TIA1: variants seen among roughly 807,000 people sequenced by gnomAD.
TIA1 encodes TIA1 cytotoxic granule associated RNA binding protein.
TIA1 carries 23 observed loss-of-function variants against 65.9 expected under a neutral mutation model. That is an observed-to-expected ratio of 0.35 (90% CI 0.25 to 0.49). TIA1 has a LOEUF of 0.49. Among genes scored for constraint, TIA1 ranks in the 20% least tolerant of loss-of-function variants. TIA1 has a pLI of 0.98. For synonymous variants in TIA1, 147 were observed against 149.4 expected (o/e 0.98, Z 0.12); for missense variants, 371 against 477.9 (o/e 0.78, Z 2.09).
At chr2:70,217,169 A>T in intron 7 of TIA1, 175 bp from the exon 8 acceptor site, 1 of 479,690 alleles carries the variant, frequency 2.1e-6, no homozygotes, top group Non-Finnish European at 3.4e-6. Flanking sequence ...ATATTTTTAA[A>T]TTTTATTTTA....
In TIA1 at chr2:70,248,576, A is replaced by G; in HGVS notation, c.-146T>C. 1 of 1,177,206 alleles carries G rather than the reference A, an allele frequency of 8.5e-7. No individual in the cohort carries two copies. Among genetic ancestry groups the G allele is most frequent in the Non-Finnish European group, 1.2e-6 (1 of 817,988 alleles). 72.9% of individuals were successfully genotyped at this position (1,177,206 alleles called of 1,614,324 possible). A position where few individuals can be genotyped will look rare whatever the true frequency, so the allele number is the denominator to read the frequency against. On this transcript the variant is annotated 5_prime_UTR_variant, in exon 1 of 13. Transcript: ENST00000433529. ...CGCCTCCTCCTCCGGCGGCAATTAC[A>G]CTAAACCGCCCGGCCCAGCGGGAAC...
At chr2:70,219,512 T>C (rs1472336052) in intron 7 of TIA1, among the ~76,000 whole-genome samples, 1 of 151,914 alleles carries the variant, frequency 6.6e-6, no homozygotes, top group Non-Finnish European at 1.5e-5. Context: ...TTAAATAGGG[T>C]CTTATTCTGT....
rs778817360 is a variant in TIA1, at chr2:70,212,803, T to G, written c.1077A>C (p.Gly359=). 2 of 1,614,082 alleles carry G rather than the reference T, an allele frequency of 1.2e-6. No individual in the cohort carries two copies. Among genetic ancestry groups the G allele is most frequent in the Non-Finnish European group, 1.7e-6 (2 of 1,179,976 alleles). Residue 359 remains glycine (G), a synonymous_variant, in exon 13 of 13, where the codon GGA becomes GGC. Transcript: ENST00000433529. ...SSAPWMGPNY[G]VQPPQGQNGS... is the part of the protein sequence containing the mutation. ...CATTTTGCCCTTGAGGCGGTTGCAC[T>G]CCATAATTTGGTCCCATCCATGGTG...
intron 1 of TIA1, among the ~76,000 whole-genome samples, chr2:70,240,203 G>T (rs1003766485): frequency 1.1e-4 from 17 of 152,138 alleles, no homozygotes; most frequent in African/African-American, 3.4e-4. Context: ...TTATAGATGG[G>T]CAACGACCAA....
At position 70,218,181 on chromosome 2, in the gene TIA1, A is replaced by G. The variant is rs115843128; in HGVS notation, c.475-1187T>C. 4.3e-3 allele frequency among the ~76,000 whole-genome samples: 653 copies of G among 152,358 alleles called. 4 individuals are homozygous for G. The highest frequency in any genetic ancestry group is 7.3e-3 in the Non-Finnish European group (495 of 68,030). ...ATCTACTACAGACAGGATGAATAAG[A>G]AAGGTCTCTCTGAAATGACATTTAA... On this transcript the variant is annotated intron_variant, in intron 7 of 12. Transcript: ENST00000433529.
rs185651096 is a variant in TIA1 at position 70,215,106 on chromosome 2, T to C, written c.888+265A>G. On this transcript the variant is annotated intron_variant, in intron 11 of 12. Coordinates refer to ENST00000433529, the MANE Select transcript of TIA1 (RefSeq NM_022173.4). ...GGTATGTGAATAAATCTACCAAGTA[T>C]TAAAAAAAGATGTAATACCCTTTTA... 1.9e-3 allele frequency: 743 copies of C among 382,340 alleles called. 5 individuals are homozygous for C. Among genetic ancestry groups the C allele is most frequent in the Admixed American group, 4.5e-3 (100 of 22,184 alleles). The allele number at this position is 382,340 out of a possible 1,614,324, so 23.7% of individuals were successfully genotyped here.
At chr2:70,215,958 G>A (rs1678440930) in intron 10 of TIA1, among the ~76,000 whole-genome samples, 1 of 152,146 alleles carries the variant, frequency 6.6e-6, no homozygotes, top group Non-Finnish European at 1.5e-5. Context: ...GTTTCACAAT[G>A]TTGGCCAGGC....
intron 6 of TIA1, chr2:70,224,933 C>T (rs1683162324): frequency 1.8e-6 from 2 of 1,098,816 alleles, no homozygotes; most frequent in South Asian, 6.3e-5. Flanking sequence ...ACATGAACTA[C>T]TTAACCACTT....
At chr2:70,217,917 T>C (rs1006233661) in intron 7 of TIA1, among the ~76,000 whole-genome samples, 2 of 152,216 alleles carry the variant, frequency 1.3e-5, no homozygotes, top group Non-Finnish European at 2.9e-5. Context: ...CAGACTACTA[T>C]AGAAGAAAAT....
At position 70,244,830 on chromosome 2, in the gene TIA1, G is replaced by A. The variant is rs1280195103; in HGVS notation, c.26+3575C>T. 1.2e-4 allele frequency among the ~76,000 whole-genome samples: 9 copies of A among 77,318 alleles called. No individual in the cohort carries two copies. In the Admixed American group the frequency reaches 1.6e-3, roughly 14 times the overall value. The allele number at this position is 77,318 out of a possible 152,430, so 50.7% of individuals were successfully genotyped here. ...AGCCTGGGTGACAGAGCGAGACTCT[G>A]TCTCAAAAAAAAAAAAAAAAAAAAA... On this transcript the variant is annotated intron_variant, in intron 1 of 12. Coordinates refer to ENST00000433529, the MANE Select transcript of TIA1 (RefSeq NM_022173.4).
chr2:70,239,842 G>GA (rs1558940867), intron 1 of TIA1, among the ~76,000 whole-genome samples: 1 of 152,124 alleles, frequency 6.6e-6, no homozygotes, highest in African/African-American at 2.4e-5. Context: ...TCTTTATTCT[G>GA]AAAAAGAGAC....
At position 70,209,765 on chromosome 2, in the gene TIA1, G is replaced by T. The variant is rs939532047; in HGVS notation, c.*2954C>A. On this transcript the variant is annotated 3_prime_UTR_variant, in exon 13 of 13. Transcript: ENST00000433529. ...AGAAATCATCACTCTCATTTGAAAG[G>T]TTTGCTTTCTTATTTCCTGTAAGTA... 1 of 398,082 alleles carries T rather than the reference G, an allele frequency of 2.5e-6. No individual in the cohort carries two copies. The highest frequency in any genetic ancestry group is 2.1e-5 in the African/African-American group (1 of 48,580). 24.7% of individuals were successfully genotyped at this position (398,082 alleles called of 1,614,324 possible). A position where few individuals can be genotyped will look rare whatever the true frequency, so the allele number is the denominator to read the frequency against.
In TIA1 at chr2:70,239,742, CAGGTA is replaced by C. The variant is rs1364336671; in HGVS notation, c.27-3572_27-3568del. Among the ~76,000 whole-genome samples the C allele has an allele frequency of 5.3e-5, 8 of 152,272 alleles. No individual in the cohort carries two copies. In the East Asian group the frequency reaches 1.5e-3, roughly 29 times the overall value. ...TTAATAACAAATGACATTTAACGATCAGGTAAAATAATGGTACTCAAAAGAGAAAG... is the reference window on the plus strand; with the variant it reads ...TTAATAACAAATGACATTTAACGATCAAATAATGGTACTCAAAAGAGAAAG... On this transcript the variant is annotated intron_variant, in intron 1 of 12. Coordinates refer to ENST00000433529, the MANE Select transcript of TIA1 (RefSeq NM_022173.4).
At chr2:70,246,153 C>T (rs1334117854) in intron 1 of TIA1, among the ~76,000 whole-genome samples, 1 of 152,060 alleles carries the variant, frequency 6.6e-6, no homozygotes, top group Non-Finnish European at 1.5e-5. Flanking sequence ...TGAACTCCTG[C>T]CCTCAAGTGA....
intron 2 of TIA1, 124 bp downstream of exon 2, chr2:70,235,955 T>A (rs1688713665): frequency 1.9e-6 from 1 of 518,300 alleles, no homozygotes; most frequent in Non-Finnish European, 3.3e-6. Context: ...ATATTTAGAC[T>A]ACAGTAAACT....
At chr2:70,235,114 C>A (rs1688213435) in intron 2 of TIA1, among the ~76,000 whole-genome samples, 1 of 152,062 alleles carries the variant, frequency 6.6e-6, no homozygotes, top group Non-Finnish European at 1.5e-5. Context: ...TTAACATAGC[C>A]TTTCCCATTA....
chr2:70,232,144 G>C (rs1232747914), intron 2 of TIA1, among the ~76,000 whole-genome samples: 1 of 148,008 alleles, frequency 6.8e-6, no homozygotes, highest in South Asian at 2.1e-4. Flanking sequence ...GGAGCTTGCA[G>C]TGTGCAGTGA....
At chr2:70,235,728 AATTT>A (rs1262626283) in intron 2 of TIA1, among the ~76,000 whole-genome samples, 1 of 152,188 alleles carries the variant, frequency 6.6e-6, no homozygotes, top group Non-Finnish European at 1.5e-5. Flanking sequence ...GTAAGAGCTG[AATTT>A]ATTAGCCAAC....
chr2:70,221,490 T>C (rs1681355758), intron 7 of TIA1, among the ~76,000 whole-genome samples: 1 of 151,500 alleles, frequency 6.6e-6, no homozygotes, highest in African/African-American at 2.4e-5. Context: ...AGAGAGATCC[T>C]AGGTTGATGA....
Sources: allele counts gnomAD v4.1 joint callset (sites outside exome capture counted in the v4.1 genomes callset), GRCh38; gene constraint gnomAD v4.1.1; transcripts MANE v1.5; gene names NCBI Gene and HGNC (gene_info 2026-07-23, HGNC 2026-07-21).